AP1G1: variants seen among roughly 807,000 people sequenced by gnomAD.
AP1G1 encodes AP-1 complex subunit gamma-1.
A neutral mutation model predicts 108.3 loss-of-function variants in AP1G1; 7 were observed. That is an observed-to-expected ratio of 0.06 (90% CI 0.04 to 0.12). The LOEUF (loss-of-function observed/expected upper bound fraction) is 0.12, where lower values mean the gene tolerates loss of function less well. AP1G1 is among the 10% of genes least tolerant of loss of function. The pLI, the probability that AP1G1 is intolerant of heterozygous loss-of-function variation, is 1.00. For missense variants in AP1G1, 756 were observed against 1,010.7 expected (o/e 0.75, Z 3.42); for synonymous variants, 379 against 353.5 (o/e 1.07, Z -0.81).
chr16:71,750,080 T>C, intron 14 of AP1G1, 97 bp from the exon 15 acceptor site: 1 of 1,468,132 alleles, frequency 6.8e-7, no homozygotes, highest in African/African-American at 1.4e-5. Context: ...ATCAAAACTG[T>C]GCATATCTAG....
At chr16:71,785,641 T>C (rs1448202680) in intron 2 of AP1G1, among the ~76,000 whole-genome samples, 1 of 150,598 alleles carries the variant, frequency 6.6e-6, no homozygotes, top group African/African-American at 2.4e-5. Flanking sequence ...TCCCAGCACT[T>C]TGGGAGGCCG....
rs779063147 is a variant in AP1G1 at position 71,773,066 on chromosome 16, G to A, written c.468+155C>T. On this transcript the variant is annotated intron_variant, in intron 4 of 22. Coordinates refer to ENST00000299980, the MANE Select transcript of AP1G1 (RefSeq NM_001128.6). Reference sequence around the variant, plus strand: ...TATAAATCATTTCCTTAAGAAAAGAGGAATTAAGGTTAATATATAATCATG... The same window carrying A: ...TATAAATCATTTCCTTAAGAAAAGAAGAATTAAGGTTAATATATAATCATG... The A allele has an allele frequency of 8.4e-6, 7 of 831,910 alleles. No homozygotes were observed. The Admixed American group carries it at 1.0e-4, about 12-fold the overall frequency. 51.5% of individuals were successfully genotyped at this position (831,910 alleles called of 1,614,324 possible).
At chr16:71,758,675 A>G (rs1268229511) in intron 11 of AP1G1, 133 bp downstream of exon 11, 1 of 627,244 alleles carries the variant, frequency 1.6e-6, no homozygotes. Context: ...TGTGAACACA[A>G]TGACTAAATA....
chr16:71,749,137 C>A (rs1263774882), intron 15 of AP1G1, among the ~76,000 whole-genome samples: 1 of 151,936 alleles, frequency 6.6e-6, no homozygotes, highest in African/African-American at 2.4e-5. Flanking sequence ...TGGCTAACCA[C>A]CCTGCAGGTG....
chr16:71,796,013 G>C (rs2032573455), intron 1 of AP1G1, among the ~76,000 whole-genome samples: 2 of 152,216 alleles, frequency 1.3e-5, no homozygotes, highest in Non-Finnish European at 1.5e-5. Context: ...GAGGCAGGTA[G>C]ACTGCTCAAG....
At chr16:71,770,112 C>T (rs188274538) in intron 5 of AP1G1, among the ~76,000 whole-genome samples, 387 of 152,176 alleles carry the variant, frequency 2.5e-3, no homozygotes, top group Non-Finnish European at 4.0e-3. Flanking sequence ...CCAGATAAAA[C>T]GCATCAAAAC....
At chr16:71,767,770 A>G in intron 6 of AP1G1, 3 of 1,115,904 alleles carry the variant, frequency 2.7e-6, no homozygotes, top group South Asian at 1.3e-5. Flanking sequence ...TATTAAGCAC[A>G]GCTTCAGCAT....
chr16:71,750,975 T>G (rs1158369569), intron 13 of AP1G1, among the ~76,000 whole-genome samples: 2 of 150,966 alleles, frequency 1.3e-5, no homozygotes, highest in Non-Finnish European at 3.0e-5. Context: ...GCTAACACGA[T>G]GAAACCCCGT....
chr16:71,803,923 C>CA (rs534074123), intron 1 of AP1G1, among the ~76,000 whole-genome samples: 5,218 of 73,438 alleles, frequency 0.071, 290 homozygotes, highest in African/African-American at 0.19. Context: ...GACTCCGTCT[C>CA]AAAAAAAAAA....
chr16:71,774,428 G>C, intron 3 of AP1G1, 40 bp downstream of exon 3: 9 of 1,577,938 alleles, frequency 5.7e-6, no homozygotes, highest in Non-Finnish European at 6.9e-6. Context: ...AAAGAACAAA[G>C]TAGTTAACAG....
chr16:71,777,653 T>C lies in AP1G1; in HGVS notation c.202-3061A>G. The C allele has an allele frequency of 6.5e-6, 3 of 460,122 alleles. No homozygotes were observed. In the Admixed American group the frequency reaches 7.2e-5, roughly 11 times the overall value. 28.5% of individuals were successfully genotyped at this position (460,122 alleles called of 1,614,324 possible). ...CTACTGCTAGGGATCCGGTTCATCC[T>C]CCTCTTCGGCAGCTCTCTTCAGCTC... is the stretch of plus-strand genomic sequence containing the variant. On this transcript the variant is annotated intron_variant, in intron 2 of 22. Coordinates refer to ENST00000299980, the MANE Select transcript of AP1G1 (RefSeq NM_001128.6).
At chr16:71,766,796 G>T (rs1248331515) in intron 6 of AP1G1, among the ~76,000 whole-genome samples, 2 of 152,274 alleles carry the variant, frequency 1.3e-5, no homozygotes, top group East Asian at 3.9e-4. Flanking sequence ...AACACAGTAT[G>T]TAAGAATTTA....
chr16:71,764,550 A>G lies in AP1G1; in HGVS notation c.819+96T>C, dbSNP rs1597058886. 5.6e-6 allele frequency: 7 copies of G among 1,250,290 alleles called. No individual in the cohort carries two copies. In the East Asian group the frequency reaches 1.8e-4, roughly 31 times the overall value. 77.4% of individuals were successfully genotyped at this position (1,250,290 alleles called of 1,614,324 possible). A position where few individuals can be genotyped will look rare whatever the true frequency, so the allele number is the denominator to read the frequency against. On this transcript the variant is annotated intron_variant, in intron 8 of 22. Transcript: ENST00000299980. The stretch of plus-strand genomic sequence containing the variant: ...CATTTTGTGATTACAGCTATGAATG[A>G]GGAAACACAAATAAAAACTGCTCCA...
chr16:71,765,994 T>C (rs2031296808), intron 6 of AP1G1, among the ~76,000 whole-genome samples: 1 of 152,188 alleles, frequency 6.6e-6, no homozygotes, highest in African/African-American at 2.4e-5. Flanking sequence ...CATGTCATCA[T>C]GCCAAAATAC....
chr16:71,770,114 C>T (rs2031514038), intron 5 of AP1G1, among the ~76,000 whole-genome samples: 1 of 152,094 alleles, frequency 6.6e-6, no homozygotes, highest in African/African-American at 2.4e-5. Flanking sequence ...AGATAAAACG[C>T]ATCAAAACTC....
intron 1 of AP1G1, among the ~76,000 whole-genome samples, chr16:71,790,157 C>T (rs2032345708): frequency 6.7e-6 from 1 of 148,578 alleles, no homozygotes; most frequent in Non-Finnish European, 1.5e-5. Flanking sequence ...TGTTAACAAA[C>T]AGAAAAAACA....
At chr16:71,777,280 T>C (rs1476248166) in intron 2 of AP1G1, among the ~76,000 whole-genome samples, 1 of 147,954 alleles carries the variant, frequency 6.8e-6, no homozygotes, top group Non-Finnish European at 1.5e-5. Context: ...GGCTAGGGGA[T>C]GCAGAGGTTA....
chr16:71,781,807 T>C lies in AP1G1; in HGVS notation c.202-7215A>G, dbSNP rs1339529218. ...TGAAATGAATACTCTTATACATACA[T>C]GTCTTTGTATACTGGAAAATTTATC... On this transcript the variant is annotated intron_variant, in intron 2 of 22. Transcript: ENST00000299980. Among the ~76,000 whole-genome samples the C allele has an allele frequency of 3.3e-5, 5 of 152,374 alleles. No individual in the cohort carries two copies. The South Asian group carries it at 8.3e-4, about 25-fold the overall frequency.
At chr16:71,785,098 T>C (rs2032152104) in intron 2 of AP1G1, among the ~76,000 whole-genome samples, 1 of 151,840 alleles carries the variant, frequency 6.6e-6, no homozygotes, top group African/African-American at 2.4e-5. Context: ...GCTTTTGCAC[T>C]AAAGCTTCTA....
Sources: gnomAD v4.1 joint callset for allele counts (sites outside exome capture counted in the v4.1 genomes callset) on GRCh38, gnomAD v4.1.1 for gene constraint, MANE v1.5 for transcripts, NCBI Gene and HGNC (gene_info 2026-07-23, HGNC 2026-07-21) for gene names.